MACROD2: variants seen among roughly 807,000 people sequenced by gnomAD.
The protein encoded by MACROD2 is ADP-ribose glycohydrolase MACROD2.
In MACROD2, 36 loss-of-function variants were observed where a neutral mutation model predicts 70.4. The ratio of observed to expected loss-of-function variants is 0.51; its 90% CI spans 0.39 to 0.68. MACROD2 has a LOEUF of 0.68. MACROD2 is among the 30% of genes least tolerant of loss of function. MACROD2 has a pLI of 0.00. For missense variants in MACROD2, 496 were observed against 538.4 expected, an observed-to-expected ratio of 0.92 and a Z score of 0.78; for synonymous variants, 172 against 178.8, an observed-to-expected ratio of 0.96 and a Z score of 0.30.
chr20:14,560,013 T>C (rs1979317432), intron 4 of MACROD2, among the ~76,000 whole-genome samples: 1 of 151,776 alleles, frequency 6.6e-6, no homozygotes, highest in Admixed American at 6.6e-5. Flanking sequence ...TGAAAATGTT[T>C]AATAGCATGT....
intron 8 of MACROD2, among the ~76,000 whole-genome samples, chr20:15,561,105 A>G (rs913529427): frequency 6.6e-6 from 1 of 152,226 alleles, no homozygotes; most frequent in Non-Finnish European, 1.5e-5. Flanking sequence ...ACTTCCTGAC[A>G]TGGAGGCAGT....
At chr20:15,320,202 CA>C (rs571729064) in intron 6 of MACROD2, among the ~76,000 whole-genome samples, 1 of 151,076 alleles carries the variant, frequency 6.6e-6, no homozygotes, top group African/African-American at 2.4e-5. Flanking sequence ...GACTCCATCT[CA>C]AAAAAAACAA....
At chr20:15,789,598 T>C (rs908221291) in intron 8 of MACROD2, among the ~76,000 whole-genome samples, 3 of 151,568 alleles carry the variant, frequency 2.0e-5, no homozygotes, top group Admixed American at 1.3e-4. Context: ...AAGTTGGAAA[T>C]AGAAAAGCTT....
intron 8 of MACROD2, among the ~76,000 whole-genome samples, chr20:15,759,237 C>T (rs774236301): frequency 2.6e-5 from 4 of 151,084 alleles, no homozygotes; most frequent in South Asian, 4.2e-4. Flanking sequence ...TGTGGGAACC[C>T]GTTAATTCCA....
intron 7 of MACROD2, among the ~76,000 whole-genome samples, chr20:15,492,700 AC>A (rs776256268): frequency 2.6e-5 from 4 of 152,190 alleles, no homozygotes; most frequent in Non-Finnish European, 5.9e-5. Context: ...TGAAAGTCTC[AC>A]GTTTGATAAC....
intron 6 of MACROD2, among the ~76,000 whole-genome samples, chr20:15,418,906 G>C (rs2046191427): frequency 6.6e-6 from 1 of 152,104 alleles, no homozygotes; most frequent in Non-Finnish European, 1.5e-5. Flanking sequence ...AAGACTAGCT[G>C]GTTATAAGCA....
intron 12 of MACROD2, among the ~76,000 whole-genome samples, chr20:15,962,412 A>C (rs2066076094): frequency 2.0e-5 from 3 of 152,216 alleles, no homozygotes; most frequent in African/African-American, 7.2e-5. Flanking sequence ...TGAAGCTTGT[A>C]GCTCTAAATT....
intron 5 of MACROD2, among the ~76,000 whole-genome samples, chr20:15,017,129 C>T (rs139155905): frequency 5.8e-4 from 88 of 152,294 alleles, no homozygotes; most frequent in African/African-American, 2.1e-3. Flanking sequence ...CAAGTCAAGT[C>T]CCTTCTGCCT....
At chr20:14,673,088 C>G (rs2070814367) in intron 4 of MACROD2, among the ~76,000 whole-genome samples, 1 of 152,180 alleles carries the variant, frequency 6.6e-6, no homozygotes, top group Admixed American at 6.6e-5. Flanking sequence ...TGAAATCCTA[C>G]TTGTCATTGA....
chr20:14,107,255 G>GAAGAATT (rs1229334522), intron 3 of MACROD2, among the ~76,000 whole-genome samples: 2 of 152,018 alleles, frequency 1.3e-5, no homozygotes, highest in Non-Finnish European at 1.5e-5. Flanking sequence ...GCAACATATT[G>GAAGAATT]AAGAATTCAT....
chr20:15,064,677 G>A (rs145883969), intron 5 of MACROD2, among the ~76,000 whole-genome samples: 8 of 152,268 alleles, frequency 5.3e-5, no homozygotes, highest in African/African-American at 1.4e-4. Flanking sequence ...GCTCCACTCA[G>A]GCAAATGCAG....
At chr20:14,953,507 G>T (rs767987617) in intron 5 of MACROD2, among the ~76,000 whole-genome samples, 1 of 152,018 alleles carries the variant, frequency 6.6e-6, no homozygotes, top group African/African-American at 2.4e-5. Flanking sequence ...GGGGTTTCAC[G>T]TGTTAGCCAG....
chr20:14,123,578 C>T (rs1021649254), intron 3 of MACROD2, among the ~76,000 whole-genome samples: 80 of 152,144 alleles, frequency 5.3e-4, no homozygotes, highest in African/African-American at 1.9e-3. Context: ...TCCTGCCTCC[C>T]TAGATACCAG....
At chr20:15,116,213 C>T (rs570098339) in intron 5 of MACROD2, among the ~76,000 whole-genome samples, 3 of 152,130 alleles carry the variant, frequency 2.0e-5, no homozygotes, top group African/African-American at 2.4e-5. Flanking sequence ...TGTGTGTGTC[C>T]ACTTATATGT....
At position 14,461,157 on chromosome 20, in the gene MACROD2, G is replaced by A. The variant is rs570673668; in HGVS notation, c.272-32322G>A. On this transcript the variant is annotated intron_variant, in intron 3 of 17. Coordinates refer to ENST00000684519, the MANE Select transcript of MACROD2 (RefSeq NM_001351661.2). ...CTTCTTCCTGGTTTAGTCTTGGGAG[G>A]GTGTATGTGTCCAGGAGTTTATCCA... is the stretch of plus-strand genomic sequence containing the variant. Among the ~76,000 whole-genome samples, 939 of 151,930 alleles carry A rather than the reference G, an allele frequency of 6.2e-3. 18 individuals carry two copies. The highest frequency in any genetic ancestry group is 0.022 in the African/African-American group (915 of 41,388).
At position 15,134,602 on chromosome 20, in the gene MACROD2, A is replaced by T. The variant is rs554540600; in HGVS notation, c.419-95338A>T. Reference sequence around the variant, plus strand: ...GGGAAATTTATAGCACTAAATGCCCACAAGAGAAAGCAGGAAAGATCCAAA... The same window carrying T: ...GGGAAATTTATAGCACTAAATGCCCTCAAGAGAAAGCAGGAAAGATCCAAA... On this transcript the variant is annotated intron_variant, in intron 5 of 17. Coordinates refer to ENST00000684519, the MANE Select transcript of MACROD2 (RefSeq NM_001351661.2). Among the ~76,000 whole-genome samples, 5 of 152,204 alleles carry T rather than the reference A, an allele frequency of 3.3e-5. No homozygotes were observed. The East Asian group carries it at 9.7e-4, about 30-fold the overall frequency.
At chr20:15,068,626 C>CA (rs1387384965) in intron 5 of MACROD2, among the ~76,000 whole-genome samples, 1 of 152,154 alleles carries the variant, frequency 6.6e-6, no homozygotes, top group African/African-American at 2.4e-5. Flanking sequence ...TGCCATGTGA[C>CA]ATGCTGGCTC....
intron 5 of MACROD2, among the ~76,000 whole-genome samples, chr20:14,882,365 A>G (rs1411696224): frequency 6.6e-6 from 1 of 152,190 alleles, no homozygotes; most frequent in Non-Finnish European, 1.5e-5. Flanking sequence ...TTTACTAGAT[A>G]TATCTTTGTC....
intron 4 of MACROD2, among the ~76,000 whole-genome samples, chr20:14,648,203 G>A (rs889463543): frequency 3.9e-5 from 6 of 152,148 alleles, no homozygotes; most frequent in African/African-American, 1.2e-4. Flanking sequence ...TGGAACAAAG[G>A]AACCTAAAGA....
Sources: allele counts gnomAD v4.1 joint callset (sites outside exome capture counted in the v4.1 genomes callset), GRCh38; gene constraint gnomAD v4.1.1; transcripts MANE v1.5; gene names NCBI Gene and HGNC (gene_info 2026-07-23, HGNC 2026-07-21).